Variants in XKR6 observed in about 807,000 individuals in gnomAD.
XKR6 encodes the protein XK related 6, also known as XK-related protein 6.
In XKR6, 22 loss-of-function variants were observed where a neutral mutation model predicts 56.7. The observed-to-expected ratio is 0.39, with a 90% CI of 0.28 to 0.55. XKR6 has a LOEUF of 0.55. XKR6 is among the 20% of genes least tolerant of loss of function. The pLI, the probability that XKR6 is intolerant of heterozygous loss-of-function variation, is 0.66. For missense variants in XKR6, 852 were observed against 889.0 expected (o/e 0.96, Z 0.53); for synonymous variants, 524 against 387.8 (o/e 1.35, Z -4.13).
chr8:11,173,827 C>T (rs1395635933), intron 1 of XKR6, among the ~76,000 whole-genome samples: 3 of 152,158 alleles, frequency 2.0e-5, no homozygotes, highest in Non-Finnish European at 4.4e-5. Context: ...AGTATGTACC[C>T]ACCCACAAGT....
intron 1 of XKR6, among the ~76,000 whole-genome samples, chr8:11,187,742 C>T (rs1317416078): frequency 2.6e-5 from 4 of 152,146 alleles, no homozygotes; most frequent in African/African-American, 9.7e-5. Context: ...CTCCATCACT[C>T]AATGATGGTG....
chr8:11,160,200 C>CA (rs963802624), intron 1 of XKR6, among the ~76,000 whole-genome samples: 16 of 140,182 alleles, frequency 1.1e-4, no homozygotes, highest in African/African-American at 3.6e-4. Flanking sequence ...ACGTCAGAAA[C>CA]AAAAAAAAAG....
intron 1 of XKR6, among the ~76,000 whole-genome samples, chr8:11,083,426 C>T (rs574638714): frequency 2.0e-4 from 30 of 152,300 alleles, no homozygotes; most frequent in South Asian, 1.2e-3. Flanking sequence ...GTCACCACTG[C>T]GCCCTCACAC....
At chr8:10,946,695 T>G (rs1448918011) in intron 1 of XKR6, among the ~76,000 whole-genome samples, 1 of 152,074 alleles carries the variant, frequency 6.6e-6, no homozygotes, top group African/African-American at 2.4e-5. Flanking sequence ...GAGCTCCTAC[T>G]GCATGCCAGG....
At chr8:11,071,349 C>T (rs151207136) in intron 1 of XKR6, among the ~76,000 whole-genome samples, 2,299 of 152,306 alleles carry the variant, frequency 0.015, 68 homozygotes, top group African/African-American at 0.051. Flanking sequence ...AAGGGACTCT[C>T]GTGCCTCAGC....
At chr8:11,145,110 G>A (rs1320706582) in intron 1 of XKR6, among the ~76,000 whole-genome samples, 1 of 151,880 alleles carries the variant, frequency 6.6e-6, no homozygotes, top group Non-Finnish European at 1.5e-5. Flanking sequence ...AACCTAAAAT[G>A]CTCCAAAATC....
intron 1 of XKR6, among the ~76,000 whole-genome samples, chr8:11,153,093 AATT>A (rs1468353743): frequency 2.6e-5 from 4 of 152,222 alleles, no homozygotes; most frequent in Admixed American, 6.5e-5. Flanking sequence ...TTACCCAGTG[AATT>A]ATTATTATAG....
intron 1 of XKR6, among the ~76,000 whole-genome samples, chr8:11,171,242 C>T (rs1401339957): frequency 2.0e-5 from 3 of 152,226 alleles, no homozygotes; most frequent in African/African-American, 7.2e-5. Flanking sequence ...ACAAATGGTG[C>T]TGCTTTTATC....
In XKR6 at chr8:11,132,840, G is replaced by C. The variant is rs79253851; in HGVS notation, c.764+67736C>G. On this transcript the variant is annotated intron_variant, in intron 1 of 2. Coordinates refer to ENST00000416569, the MANE Select transcript of XKR6 (RefSeq NM_173683.4). ...TTATTACTTACATTTCTTTTCACCTGTAATGCTTTGTATGATGTGTGAAAA... is the reference window on the plus strand; with the variant it reads ...TTATTACTTACATTTCTTTTCACCTCTAATGCTTTGTATGATGTGTGAAAA... Among the ~76,000 whole-genome samples, 4 of 140,750 alleles carry C rather than the reference G, an allele frequency of 2.8e-5. No homozygotes were observed. The South Asian group carries it at 6.8e-4, about 24-fold the overall frequency. 92.3% of individuals were successfully genotyped at this position (140,750 alleles called of 152,430 possible). A position where few individuals can be genotyped will look rare whatever the true frequency, so the allele number is the denominator to read the frequency against.
At chr8:11,057,497 C>G (rs7821839) in intron 1 of XKR6, among the ~76,000 whole-genome samples, 35,414 of 152,184 alleles carry the variant, frequency 0.23, 4,774 homozygotes, top group Non-Finnish European at 0.31. Context: ...TCAAGTGCAT[C>G]GTCGTGGCTC....
chr8:11,061,852 A>G (rs1563111455), intron 1 of XKR6, among the ~76,000 whole-genome samples: 2 of 152,138 alleles, frequency 1.3e-5, no homozygotes, highest in South Asian at 2.1e-4. Context: ...ACATCACTGG[A>G]GGCTGTTAAA....
At chr8:11,148,211 AAAAC>A (rs1465313116) in intron 1 of XKR6, among the ~76,000 whole-genome samples, 1 of 152,204 alleles carries the variant, frequency 6.6e-6, no homozygotes, top group Admixed American at 6.5e-5. Flanking sequence ...CCCTGTCTCA[AAAAC>A]AAACAGACAA....
chr8:10,905,388 G>C (rs537931915), intron 2 of XKR6, among the ~76,000 whole-genome samples: 2 of 152,244 alleles, frequency 1.3e-5, no homozygotes, highest in African/African-American at 2.4e-5. Flanking sequence ...CTGTTCCCCA[G>C]TTCTCTTCCT....
intron 1 of XKR6, among the ~76,000 whole-genome samples, chr8:10,982,680 A>G (rs1223808659): frequency 6.6e-6 from 1 of 152,236 alleles, no homozygotes; most frequent in Non-Finnish European, 1.5e-5. Flanking sequence ...GCAAGTCTAC[A>G]AAAGAATCTG....
At chr8:10,966,820 G>A (rs527653326) in intron 1 of XKR6, among the ~76,000 whole-genome samples, 6 of 152,296 alleles carry the variant, frequency 3.9e-5, no homozygotes, top group Admixed American at 1.3e-4. Flanking sequence ...GCGCACTGAC[G>A]TCTGAGAAGC....
chr8:11,088,578 C>G lies in XKR6; in HGVS notation c.764+111998G>C, dbSNP rs1037916228. Among the ~76,000 whole-genome samples, 5 of 152,164 alleles carry G rather than the reference C, an allele frequency of 3.3e-5. No individual in the cohort carries two copies. In the East Asian group the frequency reaches 9.6e-4, roughly 29 times the overall value. ...GAGTAGGACCTAACACCTTTCCTTC[C>G]TTCCTTAGGTGACAAAGACAAGAGG... On this transcript the variant is annotated intron_variant, in intron 1 of 2. Transcript: ENST00000416569.
intron 1 of XKR6, among the ~76,000 whole-genome samples, chr8:11,191,586 C>A (rs897896103): frequency 6.6e-6 from 1 of 150,954 alleles, no homozygotes; most frequent in South Asian, 2.1e-4. Context: ...GATGCAACTT[C>A]AAGTTTACTA....
At chr8:11,108,161 G>T (rs2129178413) in intron 1 of XKR6, 1 of 389,650 alleles carries the variant, frequency 2.6e-6, no homozygotes, top group South Asian at 1.9e-5. Context: ...CAGATAATCG[G>T]GTGCATCTGT....
chr8:11,140,951 G>A (rs1389087584), intron 1 of XKR6, among the ~76,000 whole-genome samples: 1 of 146,426 alleles, frequency 6.8e-6, no homozygotes, highest in Non-Finnish European at 1.5e-5. Flanking sequence ...ATAAGCTTCA[G>A]AAAATCAACA....
Sources: allele counts gnomAD v4.1 joint callset (sites outside exome capture counted in the v4.1 genomes callset), GRCh38; gene constraint gnomAD v4.1.1; transcripts MANE v1.5; gene names NCBI Gene and HGNC (gene_info 2026-07-23, HGNC 2026-07-21).